The following GSE1 variants were observed in gnomAD, a reference collection of about 807,000 sequenced individuals.
GSE1 encodes genetic suppressor element 1.
A neutral mutation model predicts 112.6 loss-of-function variants in GSE1; 32 were observed. The observed-to-expected ratio is 0.28, with a 90% CI of 0.21 to 0.38. The LOEUF is 0.38. GSE1 is among the 10% of genes least tolerant of loss of function. GSE1 has a pLI of 1.00. For missense variants in GSE1, 2,348 were observed against 1,699.2 expected, an observed-to-expected ratio of 1.38 and a Z score of -6.71; for synonymous variants, 1,115 against 735.6, an observed-to-expected ratio of 1.52 and a Z score of -8.35.
At chr16:85,613,425 C>A in intron 1 of GSE1, 27 bp downstream of exon 1, 1 of 1,540,782 alleles carries the variant, frequency 6.5e-7, no homozygotes, top group East Asian at 2.5e-5. Flanking sequence ...CGGCCGGGGA[C>A]GGGGTCCTCC....
At chr16:85,291,329 C>T (rs1229935194) in intron 1 of GSE1, among the ~76,000 whole-genome samples, 3 of 152,196 alleles carry the variant, frequency 2.0e-5, no homozygotes, top group Non-Finnish European at 2.9e-5. Flanking sequence ...CCCCCCTGGG[C>T]AGCCCGCTCT....
intron 1 of GSE1, among the ~76,000 whole-genome samples, chr16:85,210,413 G>A (rs2075204467): frequency 6.6e-6 from 1 of 152,124 alleles, no homozygotes; most frequent in Non-Finnish European, 1.5e-5. Flanking sequence ...AGACCAGCCT[G>A]GACAATATGG....
chr16:85,249,683 C>T (rs1199831386), intron 1 of GSE1, among the ~76,000 whole-genome samples: 1 of 152,170 alleles, frequency 6.6e-6, no homozygotes, highest in Non-Finnish European at 1.5e-5. Context: ...CTGGGGCTCC[C>T]GTTGTCCAGC....
intron 1 of GSE1, among the ~76,000 whole-genome samples, chr16:85,200,209 G>A (rs1477570796): frequency 1.3e-5 from 2 of 152,046 alleles, no homozygotes; most frequent in Non-Finnish European, 2.9e-5. Context: ...TGTCCTTGGG[G>A]CCCAGTTTTA....
At chr16:85,387,370 C>T (rs1432981133) in intron 2 of GSE1, among the ~76,000 whole-genome samples, 2 of 152,226 alleles carry the variant, frequency 1.3e-5, no homozygotes, top group Non-Finnish European at 2.9e-5. Flanking sequence ...AGCCCCCCTC[C>T]TCAACCCCCC....
chr16:85,562,198 G>A (rs1435059744), intron 1 of GSE1, among the ~76,000 whole-genome samples: 2 of 152,156 alleles, frequency 1.3e-5, no homozygotes, highest in Admixed American at 6.5e-5. Context: ...CAGGCATTTC[G>A]GCTTCCATCT....
chr16:85,636,104 G>A (rs1454402666), intron 2 of GSE1, among the ~76,000 whole-genome samples: 1 of 152,250 alleles, frequency 6.6e-6, no homozygotes, highest in Admixed American at 6.5e-5. Context: ...AGACACCATG[G>A]CCTCGTGGCC....
At chr16:85,648,466 G>A (rs1203512031) in intron 2 of GSE1, 86 bp from the exon 3 acceptor site, 2 of 678,708 alleles carry the variant, frequency 2.9e-6, no homozygotes, top group African/African-American at 3.7e-5. Context: ...TGGAGCAGGG[G>A]GGCAGCTGGA....
chr16:85,509,477 T>A (rs1035687761), intron 2 of GSE1, among the ~76,000 whole-genome samples: 1 of 152,086 alleles, frequency 6.6e-6, no homozygotes, highest in African/African-American at 2.4e-5. Context: ...AGCTCCAGAG[T>A]ACGAAGGGGT....
chr16:85,258,631 C>T (rs777681742), intron 1 of GSE1, among the ~76,000 whole-genome samples: 3 of 152,146 alleles, frequency 2.0e-5, no homozygotes, highest in East Asian at 1.9e-4. Flanking sequence ...GCCCCTTCTC[C>T]GCCTGTGGGA....
intron 1 of GSE1, chr16:85,582,164 C>T (rs994574993): frequency 6.6e-6 from 1 of 152,208 alleles, no homozygotes; most frequent in South Asian, 2.1e-4. Context: ...ACTGAAAACT[C>T]CAAACCTGGC....
At position 85,673,028 on chromosome 16, in the gene GSE1, G is replaced by T. The variant is rs536802838; in HGVS notation, c.*489G>T. The T allele has an allele frequency of 6.6e-6, 1 of 152,236 alleles. No individual in the cohort carries two copies. The highest frequency in any genetic ancestry group is 1.5e-5 in the Non-Finnish European group (1 of 68,094). The allele number at this position is 152,236 out of a possible 1,614,324, so 9.4% of individuals were successfully genotyped here. On this transcript the variant is annotated 3_prime_UTR_variant, in exon 16 of 16. Coordinates refer to ENST00000253458, the MANE Select transcript of GSE1 (RefSeq NM_014615.5). ...TTCAGCTGAAAAGGTTGGGTGCATT[G>T]TCAGTAAAAAGGGCTTATTTGTTTC...
At chr16:85,586,916 G>C (rs1391837406) in intron 1 of GSE1, among the ~76,000 whole-genome samples, 1 of 152,268 alleles carries the variant, frequency 6.6e-6, no homozygotes, top group Non-Finnish European at 1.5e-5. Flanking sequence ...CGCGAGAGGA[G>C]TAAGTGCCCG....
intron 1 of GSE1, among the ~76,000 whole-genome samples, chr16:85,312,450 C>A (rs948383318): frequency 2.0e-5 from 3 of 152,160 alleles, no homozygotes; most frequent in South Asian, 2.1e-4. Flanking sequence ...GGCTGTATTG[C>A]CCCGATCTCT....
chr16:85,257,886 A>G (rs1276937232), intron 1 of GSE1, among the ~76,000 whole-genome samples: 1 of 152,234 alleles, frequency 6.6e-6, no homozygotes, highest in African/African-American at 2.4e-5. Context: ...CTCTGTCATC[A>G]TTCCTCCATG....
intron 2 of GSE1, among the ~76,000 whole-genome samples, chr16:85,480,655 A>G (rs966290110): frequency 2.6e-5 from 4 of 151,950 alleles, no homozygotes; most frequent in East Asian, 1.9e-4. Flanking sequence ...AGCAGGGACA[A>G]TCCACCCTGG....
chr16:85,654,159 A>T (rs1271929849), intron 3 of GSE1, 119 bp from the exon 4 acceptor site: 1 of 893,010 alleles, frequency 1.1e-6, no homozygotes, highest in Non-Finnish European at 1.7e-6. Flanking sequence ...TAGGGAAAGG[A>T]TGTTTCTAGA....
upstream of GSE1, among the ~76,000 whole-genome samples, chr16:85,607,154 C>T (rs1007873004): frequency 6.6e-6 from 1 of 151,980 alleles, no homozygotes; most frequent in Admixed American, 6.5e-5. Context: ...GGAAGCTGCC[C>T]TCTGGGACCT....
At chr16:85,395,008 G>T (rs2047934429) in intron 2 of GSE1, among the ~76,000 whole-genome samples, 1 of 152,114 alleles carries the variant, frequency 6.6e-6, no homozygotes, top group South Asian at 2.1e-4. Flanking sequence ...AAGACATATA[G>T]GAATTAGGCC....
Sources: allele counts gnomAD v4.1 joint callset (sites outside exome capture counted in the v4.1 genomes callset), GRCh38; gene constraint gnomAD v4.1.1; transcripts MANE v1.5; gene names NCBI Gene and HGNC (gene_info 2026-07-23, HGNC 2026-07-21).